SHROOM3: variants seen among roughly 807,000 people sequenced by gnomAD.
The protein encoded by SHROOM3 is protein Shroom3.
SHROOM3 carries 47 observed loss-of-function variants against 138.6 expected under a neutral mutation model. That is an observed-to-expected ratio of 0.34 (90% CI 0.27 to 0.43). The LOEUF (loss-of-function observed/expected upper bound fraction) is 0.43, where lower values mean the gene tolerates loss of function less well. SHROOM3 is among the 20% of genes least tolerant of loss of function. The probability of loss-of-function intolerance (pLI) is 1.00; values close to 1 mark genes in which losing one functional copy is unlikely to be tolerated. For synonymous variants in SHROOM3, 1,062 were observed against 1,063.3 expected, an observed-to-expected ratio of 1.00 and a Z score of 0.02; for missense variants, 2,491 against 2,596.5, an observed-to-expected ratio of 0.96 and a Z score of 0.88.
At chr4:76,458,316 G>A (rs1579167087) in intron 1 of SHROOM3, among the ~76,000 whole-genome samples, 1 of 152,274 alleles carries the variant, frequency 6.6e-6, no homozygotes, top group East Asian at 1.9e-4. Context: ...GTATATAAAA[G>A]TATTAAAACT....
At chr4:76,535,294 T>C (rs1408702558) in intron 1 of SHROOM3, among the ~76,000 whole-genome samples, 1 of 152,230 alleles carries the variant, frequency 6.6e-6, no homozygotes, top group African/African-American at 2.4e-5. Flanking sequence ...TGGATGTTGT[T>C]AGCCATTGGG....
At chr4:76,742,904 T>G (rs946577821) in intron 5 of SHROOM3, among the ~76,000 whole-genome samples, 2 of 152,112 alleles carry the variant, frequency 1.3e-5, no homozygotes, top group African/African-American at 2.4e-5. Context: ...CAAGCATCTG[T>G]AGAGCATGTG....
At chr4:76,609,855 T>G (rs1403372960) in intron 2 of SHROOM3, among the ~76,000 whole-genome samples, 1 of 152,242 alleles carries the variant, frequency 6.6e-6, no homozygotes, top group Admixed American at 6.5e-5. Context: ...ATTTACTTTT[T>G]TTCAGTAGAT....
At chr4:76,731,056 C>G (rs1422266067) in intron 4 of SHROOM3, 121 bp downstream of exon 4, 1 of 1,341,224 alleles carries the variant, frequency 7.5e-7, no homozygotes, top group Non-Finnish European at 1.1e-6. Context: ...AATATTAAAT[C>G]TCTATCCACT....
intron 2 of SHROOM3, chr4:76,645,326 C>T (rs146166664): frequency 2.6e-5 from 4 of 152,186 alleles, no homozygotes; most frequent in African/African-American, 9.7e-5. Context: ...CTGTTAGCCT[C>T]GAGTTTGACC....
intron 1 of SHROOM3, among the ~76,000 whole-genome samples, chr4:76,516,271 G>T (rs1732444045): frequency 6.6e-6 from 1 of 152,110 alleles, no homozygotes; most frequent in Non-Finnish European, 1.5e-5. Flanking sequence ...CTGGTCAATT[G>T]CAATATCTTT....
chr4:76,483,294 A>C (rs1488264151), intron 1 of SHROOM3, among the ~76,000 whole-genome samples: 1 of 152,234 alleles, frequency 6.6e-6, no homozygotes, highest in Non-Finnish European at 1.5e-5. Flanking sequence ...GAACTTAAAC[A>C]AATTTATAAG....
At chr4:76,499,398 T>G (rs1369208091) in intron 1 of SHROOM3, among the ~76,000 whole-genome samples, 2 of 152,092 alleles carry the variant, frequency 1.3e-5, no homozygotes, top group Non-Finnish European at 2.9e-5. Flanking sequence ...AGCTCGCTTT[T>G]GTTGCTAGTG....
intron 2 of SHROOM3, among the ~76,000 whole-genome samples, chr4:76,634,006 T>C (rs1735419593): frequency 6.6e-6 from 1 of 152,302 alleles, no homozygotes; most frequent in South Asian, 2.1e-4. Context: ...CCCTTCTTAA[T>C]GGTGTTTTTA....
At chr4:76,743,383 G>A (rs552772362) in intron 5 of SHROOM3, among the ~76,000 whole-genome samples, 1 of 152,288 alleles carries the variant, frequency 6.6e-6, no homozygotes, top group East Asian at 1.9e-4. Flanking sequence ...TCATTAGGGA[G>A]GCCTTTCTGC....
At chr4:76,771,078 A>T (rs1157345321) in intron 10 of SHROOM3, among the ~76,000 whole-genome samples, 180 bp downstream of exon 10, 1 of 152,168 alleles carries the variant, frequency 6.6e-6, no homozygotes, top group Non-Finnish European at 1.5e-5. Context: ...TTGAGATATA[A>T]TGCTGGCCAG....
chr4:76,752,756 GTCACACAAACTAAAAACAT>G, intron 6 of SHROOM3, among the ~76,000 whole-genome samples: 1 of 152,006 alleles, frequency 6.6e-6, no homozygotes, highest in Non-Finnish European at 1.5e-5. Flanking sequence ...GTAAACTAAG[GTCACACAAACTAAAAACAT>G]CATATAAAAG....
intron 1 of SHROOM3, among the ~76,000 whole-genome samples, chr4:76,552,541 T>G (rs1733387560): frequency 6.6e-6 from 1 of 150,682 alleles, no homozygotes; most frequent in South Asian, 2.1e-4. Flanking sequence ...GATATATCAA[T>G]TATATAATAT....
intron 2 of SHROOM3, among the ~76,000 whole-genome samples, chr4:76,596,015 A>C (rs1482110509): frequency 6.6e-6 from 1 of 152,128 alleles, no homozygotes; most frequent in African/African-American, 2.4e-5. Flanking sequence ...ATGCACACAC[A>C]CTGAATCCTA....
chr4:76,595,356 G>C (rs980308984), intron 2 of SHROOM3, among the ~76,000 whole-genome samples: 2 of 152,180 alleles, frequency 1.3e-5, no homozygotes, highest in African/African-American at 4.8e-5. Context: ...TGGTGCCAGG[G>C]TTAATTTAAT....
chr4:76,496,525 A>G (rs1278444226), intron 1 of SHROOM3, among the ~76,000 whole-genome samples: 2 of 152,328 alleles, frequency 1.3e-5, no homozygotes, highest in East Asian at 3.9e-4. Flanking sequence ...ATGCTGACAT[A>G]GGTGTTCTTG....
intron 2 of SHROOM3, among the ~76,000 whole-genome samples, chr4:76,615,069 G>T (rs1734844165): frequency 6.6e-6 from 1 of 152,242 alleles, no homozygotes; most frequent in African/African-American, 2.4e-5. Flanking sequence ...GAAGCTAGCT[G>T]AGAATGGGAG....
At chr4:76,645,791 T>C (rs1251985576) in intron 2 of SHROOM3, 2 of 152,326 alleles carry the variant, frequency 1.3e-5, no homozygotes, top group South Asian at 2.1e-4. Flanking sequence ...TATCTCATTA[T>C]ATACATGCAA....
At chr4:76,515,938 G>A (rs1468112286) in intron 1 of SHROOM3, among the ~76,000 whole-genome samples, 2 of 152,178 alleles carry the variant, frequency 1.3e-5, no homozygotes, top group African/African-American at 2.4e-5. Flanking sequence ...AACTCCAGGT[G>A]GGTAGAAAGC....
Sources: allele counts gnomAD v4.1 joint callset (sites outside exome capture counted in the v4.1 genomes callset), GRCh38; gene constraint gnomAD v4.1.1; transcripts MANE v1.5; gene names NCBI Gene and HGNC (gene_info 2026-07-23, HGNC 2026-07-21).